The following ABCA10 variants were observed in gnomAD, a reference collection of about 807,000 sequenced individuals.
ABCA10 encodes ATP-binding cassette sub-family A member 10.
A neutral mutation model predicts 187.5 loss-of-function variants in ABCA10; 169 were observed. The ratio of observed to expected loss-of-function variants is 0.90; its 90% CI spans 0.80 to 1.02. The LOEUF is 1.02. Among genes scored for constraint, ABCA10 ranks in the 50% least tolerant of loss-of-function variants. The pLI is 0.00. For synonymous variants in ABCA10, 574 were observed against 601.8 expected, an observed-to-expected ratio of 0.95 and a Z score of 0.68; for missense variants, 1,727 against 1,812.4, an observed-to-expected ratio of 0.95 and a Z score of 0.86.
chr17:69,157,105 A>G (rs986383238), intron 27 of ABCA10, among the ~76,000 whole-genome samples, 182 bp from the exon 28 acceptor site: 1 of 152,078 alleles, frequency 6.6e-6, no homozygotes, highest in African/African-American at 2.4e-5. Context: ...GTTTATTCAA[A>G]CTCACCCTCC....
chr17:69,173,056 G>C (rs1232700687), intron 25 of ABCA10, among the ~76,000 whole-genome samples: 4 of 152,040 alleles, frequency 2.6e-5, no homozygotes, highest in Non-Finnish European at 5.9e-5. Context: ...AAACAAAATA[G>C]TTTCAAACTA....
Position 69,200,785 on chromosome 17 carries a change from T to TCACTGCAAACTC in ABCA10, c.1175+703_1175+714dup, listed in dbSNP as rs573658984. ...GGAGTGCAAGTGGCGCCATACTGGC[T>TCACTGCAAACTC]CACTGCAAACTCCACCTCTTGGGCT... On this transcript the variant is annotated intron_variant, in intron 10 of 38. Coordinates refer to ENST00000690296, the MANE Select transcript of ABCA10 (RefSeq NM_001377321.1). Among the ~76,000 whole-genome samples the TCACTGCAAACTC allele has an allele frequency of 5.1e-3, 775 of 152,362 alleles. 7 individuals carry two copies. Among genetic ancestry groups the TCACTGCAAACTC allele is most frequent in the African/African-American group, 0.018 (734 of 41,592 alleles).
At position 69,197,056 on chromosome 17, in the gene ABCA10, CT is replaced by C; in HGVS notation, c.1234+7del. 6.6e-7 allele frequency: 1 copy of C among 1,525,236 alleles called. No individual in the cohort carries two copies. The allele number at this position is 1,525,236 out of a possible 1,614,324, so 94.5% of individuals were successfully genotyped here. Reference sequence around the variant, plus strand: ...AGAGGGAGAGGGAGAGGGAGTTTTTCTTTTTACCTTGCAATGCTTCTACTTT... The same window carrying C: ...AGAGGGAGAGGGAGAGGGAGTTTTTCTTTTACCTTGCAATGCTTCTACTTT... On this transcript the variant is annotated splice_region_variant and intron_variant, in intron 11 of 38. Transcript: ENST00000690296.
intron 29 of ABCA10, 61 bp downstream of exon 29, chr17:69,155,744 A>T: frequency 6.5e-7 from 1 of 1,543,660 alleles, no homozygotes; most frequent in Non-Finnish European, 8.7e-7. Flanking sequence ...CCAACATCTC[A>T]TCAATTCTAG....
At position 69,152,145 on chromosome 17, in the gene ABCA10, C is replaced by T. The variant is rs774920280; in HGVS notation, c.4295G>A (p.Gly1432Asp). 2 of 1,613,406 alleles carry T rather than the reference C, an allele frequency of 1.2e-6. No homozygotes were observed. The highest frequency in any genetic ancestry group is 1.1e-5 in the South Asian group (1 of 90,942). The change falls in exon 36 of 39, where the codon GGT becomes GAT. Residue 1432 changes from glycine to aspartate, a missense_variant. Gly to Asp is a moderately conservative substitution (Grantham distance 94, BLOSUM62 -1). Coordinates refer to ENST00000690296, the MANE Select transcript of ABCA10 (RefSeq NM_001377321.1). ...TTTTATTTCTAGTAAATAATCTCTA[C>T]CAAACTTGTTTTTCAGATGTTGAAT... ...GSIQHLKNKF[G>D]RDYLLEIKMK...
At chr17:69,222,345 A>G (rs2074755786) in intron 4 of ABCA10, among the ~76,000 whole-genome samples, 188 bp downstream of exon 4, 1 of 152,072 alleles carries the variant, frequency 6.6e-6, no homozygotes, top group Non-Finnish European at 1.5e-5. Context: ...CTCAAAAAAA[A>G]AAAAAAGGAC....
chr17:69,183,469 A>G, intron 20 of ABCA10, among the ~76,000 whole-genome samples: 1 of 152,144 alleles, frequency 6.6e-6, no homozygotes. Flanking sequence ...CCCATCAGGG[A>G]GAGAATCCAC....
intron 8 of ABCA10, chr17:69,215,384 C>T (rs868654296): frequency 6.3e-6 from 1 of 159,806 alleles, no homozygotes; most frequent in Admixed American, 6.5e-5. Context: ...AATTTACCCC[C>T]ATGAGGTGGG....
chr17:69,212,858 C>T (rs542125349), intron 9 of ABCA10, among the ~76,000 whole-genome samples: 2 of 152,234 alleles, frequency 1.3e-5, no homozygotes, highest in South Asian at 2.1e-4. Context: ...TTGGGTGAGT[C>T]TCTTGAAGAC....
chr17:69,211,314 G>GT (rs2074649807), intron 9 of ABCA10, among the ~76,000 whole-genome samples: 3 of 30,362 alleles, frequency 9.9e-5, no homozygotes, highest in African/African-American at 4.1e-4. Context: ...TCATATATAT[G>GT]ATATATATAT....
chr17:69,182,261 G>T lies in ABCA10; in HGVS notation c.2661C>A (p.Thr887=). ...KDYRFSVACN[T]KKLNCFPVLM... ...GAACAGGAAAACAATTCAATTTCTT[G>T]GTATTACACGCAACAGAAAATCTGT... Residue 887 remains threonine (T), a synonymous_variant, in exon 22 of 39, where the codon ACC becomes ACA. Coordinates refer to ENST00000690296, the MANE Select transcript of ABCA10 (RefSeq NM_001377321.1). 1 of 1,563,468 alleles carries T rather than the reference G, an allele frequency of 6.4e-7. No individual in the cohort carries two copies. Among genetic ancestry groups the T allele is most frequent in the East Asian group, 2.4e-5 (1 of 42,016 alleles).
chr17:69,197,055 T>G lies in ABCA10; in HGVS notation c.1234+9A>C, dbSNP rs775846435. The G allele has an allele frequency of 4.0e-5, 60 of 1,514,422 alleles. No individual in the cohort carries two copies. The highest frequency in any genetic ancestry group is 5.3e-5 in the Non-Finnish European group (59 of 1,106,676). 93.8% of individuals were successfully genotyped at this position (1,514,422 alleles called of 1,614,324 possible). On this transcript the variant is annotated intron_variant, in intron 11 of 38. Coordinates refer to ENST00000690296, the MANE Select transcript of ABCA10 (RefSeq NM_001377321.1). The stretch of plus-strand genomic sequence containing the variant: ...GAGAGGGAGAGGGAGAGGGAGTTTT[T>G]CTTTTTACCTTGCAATGCTTCTACT...
At position 69,225,512 on chromosome 17, in the gene ABCA10, C is replaced by A; in HGVS notation, c.-154G>T. 1.5e-6 allele frequency: 1 copy of A among 647,552 alleles called. No homozygotes were observed. The highest frequency in any genetic ancestry group is 2.6e-6 in the Non-Finnish European group (1 of 377,364). 40.1% of individuals were successfully genotyped at this position (647,552 alleles called of 1,614,324 possible). Reference sequence around the variant, plus strand: ...AGATGCACAAATATAGCCCTAGAAACAATGTTATTGTCCATTCCTCCAGCA... The same window carrying A: ...AGATGCACAAATATAGCCCTAGAAAAAATGTTATTGTCCATTCCTCCAGCA... On this transcript the variant is annotated 5_prime_UTR_variant, in exon 3 of 39. Coordinates refer to ENST00000690296, the MANE Select transcript of ABCA10 (RefSeq NM_001377321.1).
intron 25 of ABCA10, among the ~76,000 whole-genome samples, chr17:69,170,041 A>G (rs941696937): frequency 5.3e-5 from 8 of 152,132 alleles, no homozygotes; most frequent in Admixed American, 5.2e-4. Context: ...TAATCCTAAC[A>G]CTTTGGGAGG....
Position 69,187,687 on chromosome 17 carries a change from A to T in ABCA10, c.2324T>A (p.Leu775Ter). The change falls in exon 19 of 39, where the codon TTG (leucine) becomes TAG (stop). Residue 775 changes from leucine (L) to a stop codon, truncating the protein, a stop_gained. Coordinates refer to ENST00000690296, the MANE Select transcript of ABCA10 (RefSeq NM_001377321.1). LOFTEE classifies it high-confidence loss of function. ...LKLRRERRAL[L>*]CLLLVLGIAF... is the part of the protein sequence containing the mutation. ...AAAGTAATCTGATACTCACAAACAC[A>T]AAAGAGCTCTCCTTTCACGCCTTAA... 1 of 1,613,634 alleles carries T rather than the reference A, an allele frequency of 6.2e-7. No individual in the cohort carries two copies. Among genetic ancestry groups the T allele is most frequent in the Non-Finnish European group, 8.5e-7 (1 of 1,179,572 alleles).
intron 13 of ABCA10, 55 bp from the exon 14 acceptor site, chr17:69,193,667 T>C (rs2074478289): frequency 6.4e-7 from 1 of 1,552,872 alleles, no homozygotes; most frequent in East Asian, 2.3e-5. Flanking sequence ...TAAGGAGTTT[T>C]TACTCTCTAA....
chr17:69,188,664 C>A (rs2074439374), intron 18 of ABCA10, among the ~76,000 whole-genome samples: 1 of 151,252 alleles, frequency 6.6e-6, no homozygotes, highest in African/African-American at 2.4e-5. Context: ...AGCATAATAC[C>A]CACTAGGTCA....
chr17:69,174,210 T>C, intron 25 of ABCA10, 71 bp downstream of exon 25: 1 of 1,146,620 alleles, frequency 8.7e-7, no homozygotes, highest in Non-Finnish European at 1.2e-6. Flanking sequence ...AAAGTATTTA[T>C]ACTTAAATTT....
chr17:69,239,339 G>A (rs891648867), intron 1 of ABCA10, among the ~76,000 whole-genome samples: 12 of 152,152 alleles, frequency 7.9e-5, no homozygotes, highest in South Asian at 2.1e-4. Context: ...TTCCCAGGTC[G>A]TTGGAGAAAG....
Sources: gnomAD v4.1 joint callset for allele counts (sites outside exome capture counted in the v4.1 genomes callset) on GRCh38, gnomAD v4.1.1 for gene constraint, MANE v1.5 for transcripts, NCBI Gene and HGNC (gene_info 2026-07-23, HGNC 2026-07-21) for gene names.